Variants in EXOC4 observed in about 807,000 individuals in gnomAD.
The protein encoded by EXOC4 is SEC8-like 1.
In EXOC4, 71 loss-of-function variants were observed where a neutral mutation model predicts 107.2. The ratio of observed to expected loss-of-function variants is 0.66; its 90% CI spans 0.55 to 0.81. EXOC4 has a LOEUF of 0.81. Among genes scored for constraint, EXOC4 ranks in the 30% least tolerant of loss-of-function variants. The pLI is 0.00. For missense variants in EXOC4, 1,108 were observed against 1,189.6 expected (o/e 0.93, Z 1.01); for synonymous variants, 456 against 441.2 (o/e 1.03, Z -0.42).
At chr7:133,613,831 A>G (rs1802127754) in intron 9 of EXOC4, among the ~76,000 whole-genome samples, 1 of 152,172 alleles carries the variant, frequency 6.6e-6, no homozygotes, top group Non-Finnish European at 1.5e-5. Flanking sequence ...ATGTGGGTGT[A>G]GGACTACTAT....
chr7:133,924,596 TA>T (rs1392696133), intron 13 of EXOC4, among the ~76,000 whole-genome samples: 1 of 152,244 alleles, frequency 6.6e-6, no homozygotes, highest in African/African-American at 2.4e-5. Flanking sequence ...ATTAAATGTA[TA>T]TTTCTTAATA....
chr7:133,355,677 C>A (rs1022491760), intron 5 of EXOC4, among the ~76,000 whole-genome samples: 1 of 151,986 alleles, frequency 6.6e-6, no homozygotes, highest in African/African-American at 2.4e-5. Context: ...TTCTCAGAAG[C>A]CTTTCATGGA....
intron 10 of EXOC4, among the ~76,000 whole-genome samples, chr7:133,711,267 A>G (rs1455729824): frequency 1.3e-5 from 2 of 152,192 alleles, no homozygotes; most frequent in Non-Finnish European, 2.9e-5. Context: ...TTTCAGATTC[A>G]ATCTGTCTGC....
At chr7:133,421,372 T>C (rs1797601199) in intron 7 of EXOC4, among the ~76,000 whole-genome samples, 1 of 152,162 alleles carries the variant, frequency 6.6e-6, no homozygotes. Flanking sequence ...ATTCTCCATC[T>C]TGGGAATTTG....
intron 10 of EXOC4, among the ~76,000 whole-genome samples, chr7:133,673,966 A>G (rs1302145204): frequency 3.9e-5 from 6 of 152,220 alleles, no homozygotes; most frequent in Non-Finnish European, 8.8e-5. Flanking sequence ...TATGAGGAAG[A>G]GCAGATGCTA....
At chr7:133,902,309 A>T (rs987534089) in intron 12 of EXOC4, among the ~76,000 whole-genome samples, 3 of 152,182 alleles carry the variant, frequency 2.0e-5, no homozygotes, top group African/African-American at 7.2e-5. Context: ...TAAATTTGTT[A>T]AACCTTTCAG....
chr7:133,479,851 G>T (rs992888251), intron 8 of EXOC4, among the ~76,000 whole-genome samples, 199 bp from the exon 9 acceptor site: 1 of 152,264 alleles, frequency 6.6e-6, no homozygotes, highest in Non-Finnish European at 1.5e-5. Flanking sequence ...TTGTAAAGGA[G>T]CCTTAGCCAG....
At chr7:133,549,288 G>A (rs528870158) in intron 9 of EXOC4, among the ~76,000 whole-genome samples, 13 of 152,254 alleles carry the variant, frequency 8.5e-5, no homozygotes, top group African/African-American at 1.7e-4. Context: ...AACCACGCCC[G>A]TCCTCTAGCT....
rs1233335515 is a variant in EXOC4 at position 134,064,509 on chromosome 7, A to G, written c.2906A>G (p.Lys969Arg). Residue 969 changes from lysine (K) to arginine (R), a missense_variant, in exon 18 of 18, where the codon AAG (lysine) becomes AGG (arginine). By Grantham distance (26) the Lys-to-Arg change is conservative (BLOSUM62 2). Transcript: ENST00000253861. ...GCCATCAAGCAAGCCACCAAGGACA[A>G]GAAGATAACTACCGTTTAGCAGGGC... ...QAAIKQATKD[K>R]KITTV is the part of the protein sequence containing the mutation. 29 of 1,602,634 alleles carry G rather than the reference A, an allele frequency of 1.8e-5. No individual in the cohort carries two copies. The highest frequency in any genetic ancestry group is 2.3e-5 in the Non-Finnish European group (27 of 1,174,248).
At chr7:133,311,395 C>T (rs994501314) in intron 4 of EXOC4, among the ~76,000 whole-genome samples, 2 of 152,018 alleles carry the variant, frequency 1.3e-5, no homozygotes, top group Admixed American at 1.3e-4. Context: ...GAGAAATAGA[C>T]CCCAGGATCT....
chr7:134,031,968 G>A (rs10488421), intron 17 of EXOC4, among the ~76,000 whole-genome samples: 25,512 of 152,130 alleles, frequency 0.17, 2,700 homozygotes, highest in East Asian at 0.42. Flanking sequence ...ATCTGAGATT[G>A]TAAATCATGA....
At chr7:133,265,262 A>G (rs577312857) in intron 1 of EXOC4, among the ~76,000 whole-genome samples, 1 of 152,060 alleles carries the variant, frequency 6.6e-6, no homozygotes, top group Non-Finnish European at 1.5e-5. Flanking sequence ...GCCTTATGAT[A>G]ATGTGTTTGA....
intron 11 of EXOC4, among the ~76,000 whole-genome samples, chr7:133,879,143 G>A (rs1489784092): frequency 6.6e-5 from 10 of 151,882 alleles, no homozygotes; most frequent in African/African-American, 1.5e-4. Context: ...TCGCTCTGTC[G>A]CCAGGCTTGA....
chr7:133,383,639 G>A (rs1584872205), intron 7 of EXOC4, among the ~76,000 whole-genome samples: 1 of 152,150 alleles, frequency 6.6e-6, no homozygotes, highest in East Asian at 1.9e-4. Context: ...GGAGACAGAT[G>A]TAATTTCTAT....
chr7:133,604,710 CTTTTTTTTTTTTTTT>C (rs61548710), intron 9 of EXOC4, among the ~76,000 whole-genome samples: 8 of 50,266 alleles, frequency 1.6e-4, no homozygotes, highest in Admixed American at 6.8e-4. Context: ...TTCCTTCTTT[CTTTTTTTTTTTTTTT>C]TTTTTTTTTT....
chr7:133,860,340 CA>C (rs1167013631), intron 11 of EXOC4, among the ~76,000 whole-genome samples: 3 of 152,322 alleles, frequency 2.0e-5, no homozygotes, highest in African/African-American at 7.2e-5. Flanking sequence ...AGCATTTCTA[CA>C]TATTACACTG....
intron 7 of EXOC4, among the ~76,000 whole-genome samples, chr7:133,420,023 G>T (rs1797567362): frequency 6.8e-6 from 1 of 147,514 alleles, no homozygotes. Flanking sequence ...ACATTGTGCA[G>T]GTTAGTTACA....
At chr7:133,710,925 C>T (rs1033246883) in intron 10 of EXOC4, among the ~76,000 whole-genome samples, 9 of 138,996 alleles carry the variant, frequency 6.5e-5, no homozygotes, top group South Asian at 2.3e-4. Flanking sequence ...AAAAAAAAAT[C>T]GCCACCAAGA....
chr7:133,407,442 CTT>C (rs577269758), intron 7 of EXOC4, among the ~76,000 whole-genome samples: 2 of 152,106 alleles, frequency 1.3e-5, no homozygotes, highest in African/African-American at 4.8e-5. Flanking sequence ...TTGAGAATGA[CTT>C]TTTTTCTTTA....
Sources: allele counts gnomAD v4.1 joint callset (sites outside exome capture counted in the v4.1 genomes callset), GRCh38; gene constraint gnomAD v4.1.1; transcripts MANE v1.5; gene names NCBI Gene and HGNC (gene_info 2026-07-23, HGNC 2026-07-21).